Variants in GARS1 observed in about 807,000 individuals in gnomAD.
GARS1 encodes the protein glycine--tRNA ligase.
GARS1 carries 46 observed loss-of-function variants against 86.4 expected under a neutral mutation model. The ratio of observed to expected loss-of-function variants is 0.53; its 90% CI spans 0.42 to 0.68. The LOEUF (loss-of-function observed/expected upper bound fraction) is 0.68, where lower values mean the gene tolerates loss of function less well. Ranked by LOEUF, GARS1 falls within the 30% of genes least tolerant of loss-of-function variation. The pLI is 0.00. For missense variants in GARS1, 797 were observed against 915.6 expected (o/e 0.87, Z 1.67); for synonymous variants, 342 against 329.8 (o/e 1.04, Z -0.40).
chr7:30,616,183 T>G, intron 9 of GARS1, 125 bp downstream of exon 9: 1 of 1,020,974 alleles, frequency 9.8e-7, no homozygotes, highest in Non-Finnish European at 1.5e-6. Flanking sequence ...TTTACAGTAC[T>G]TGGTTTTGTA....
chr7:30,609,612 G>A lies in GARS1; in HGVS notation c.763G>A (p.Ala255Thr). ...QLDNYGQQELADLFVNYNVKS... is the reference protein window; with the variant it reads ...QLDNYGQQELTDLFVNYNVKS... ...TGATAACTATGGACAGCAAGAACTT[G>A]CGGATCTTTTTGTGAACTATAATGT... Residue 255 changes from alanine to threonine, a missense_variant, in exon 7 of 17, where the codon GCG (alanine) becomes ACG (threonine). Ala to Thr is a moderately conservative substitution (Grantham distance 58). Coordinates refer to ENST00000389266, the MANE Select transcript of GARS1 (RefSeq NM_002047.4). 2 of 1,613,270 alleles carry A rather than the reference G, an allele frequency of 1.2e-6. No individual in the cohort carries two copies. Among genetic ancestry groups the A allele is most frequent in the Non-Finnish European group, 1.7e-6 (2 of 1,179,466 alleles).
intron 12 of GARS1, 79 bp downstream of exon 12, chr7:30,622,541 T>C (rs778002591): frequency 1.3e-5 from 21 of 1,559,310 alleles, no homozygotes; most frequent in Non-Finnish European, 1.9e-5. Flanking sequence ...ATGAGATTAA[T>C]TTCTTAAGAT....
Position 30,598,845 on chromosome 7 carries a change from T to C in GARS1, c.272T>C (p.Val91Ala), listed in dbSNP as rs758964807. 3 of 1,614,132 alleles carry C rather than the reference T, an allele frequency of 1.9e-6. No homozygotes were observed. The highest frequency in any genetic ancestry group is 2.2e-5 in the East Asian group (1 of 44,880). Residue 91 changes from valine to alanine, a missense_variant, in exon 2 of 17, where the codon GTA becomes GCA. Val to Ala is a moderately conservative substitution (Grantham distance 64). Coordinates refer to ENST00000389266, the MANE Select transcript of GARS1 (RefSeq NM_002047.4). ...GAAGATAAAGCACCCCAAGTAGACG[T>C]AGACAAAGCAGTGGCTGAGCTCAAA... The part of the protein sequence containing the change: ...LKEDKAPQVD[V>A]DKAVAELKAR...
chr7:30,623,700 G>A (rs1351111595), intron 12 of GARS1, among the ~76,000 whole-genome samples: 2 of 152,016 alleles, frequency 1.3e-5, no homozygotes, highest in Admixed American at 1.3e-4. Flanking sequence ...TGATGAAAAC[G>A]CTAAAACTAC....
At chr7:30,609,241 A>G (rs960328847) in intron 6 of GARS1, among the ~76,000 whole-genome samples, 1 of 152,208 alleles carries the variant, frequency 6.6e-6, no homozygotes, top group African/African-American at 2.4e-5. Context: ...AAATATGTTC[A>G]GAGTAGTAAA....
intron 3 of GARS1, 143 bp downstream of exon 3, chr7:30,600,192 G>T (rs1283952813): frequency 2.9e-6 from 2 of 691,398 alleles, no homozygotes; most frequent in Non-Finnish European, 5.2e-6. Context: ...TGTTTGCTTG[G>T]AGTCACCATT....
chr7:30,624,646 A>G (rs531712841), intron 12 of GARS1, among the ~76,000 whole-genome samples: 28 of 152,330 alleles, frequency 1.8e-4, no homozygotes, highest in Admixed American at 5.2e-4. Context: ...GGGTGTAACT[A>G]ATAAACCAAT....
intron 4 of GARS1, among the ~76,000 whole-genome samples, chr7:30,602,608 G>A (rs895537893): frequency 6.6e-6 from 1 of 152,218 alleles, no homozygotes; most frequent in Non-Finnish European, 1.5e-5. Flanking sequence ...ACAGGTTTCA[G>A]TGGCAGAAAA....
intron 1 of GARS1, among the ~76,000 whole-genome samples, chr7:30,596,991 AAATG>A (rs1791263611): frequency 6.6e-6 from 1 of 152,214 alleles, no homozygotes; most frequent in Non-Finnish European, 1.5e-5. Flanking sequence ...TTAATCTGGA[AAATG>A]AATGAAGTGA....
chr7:30,623,508 A>C (rs1268757068), intron 12 of GARS1, among the ~76,000 whole-genome samples: 1 of 152,240 alleles, frequency 6.6e-6, no homozygotes, highest in East Asian at 1.9e-4. Context: ...TAAACATTAC[A>C]GAAGAAAGGT....
In GARS1 at chr7:30,622,336, A is replaced by G. The variant is rs1325522512; in HGVS notation, c.1487A>G (p.Gln496Arg). The change falls in exon 12 of 17, where the codon CAG becomes CGG. Residue 496 changes from glutamine (Q) to arginine (R), a missense_variant. Coordinates refer to ENST00000389266, the MANE Select transcript of GARS1 (RefSeq NM_002047.4). The part of the protein sequence containing the change: ...LKEPKTVNVV[Q>R]FEPSKGAIGK... ...TCATACAAAACAGTCAATGTTGTTC[A>G]GTTTGAACCCAGTAAGGGAGCAATT... is the stretch of plus-strand genomic sequence containing the variant. The G allele has an allele frequency of 6.2e-7, 1 of 1,614,048 alleles. No individual in the cohort carries two copies. The highest frequency in any genetic ancestry group is 8.5e-7 in the Non-Finnish European group (1 of 1,180,020).
At chr7:30,628,188 C>CT (rs750509307) in intron 13 of GARS1, among the ~76,000 whole-genome samples, 5,995 of 143,580 alleles carry the variant, frequency 0.042, 165 homozygotes, top group Non-Finnish European at 0.058. Context: ...CTTTTCTTTT[C>CT]TTTTTTTTTT....
chr7:30,628,909 A>G (rs1783183558), intron 14 of GARS1, among the ~76,000 whole-genome samples: 1 of 152,204 alleles, frequency 6.6e-6, no homozygotes, highest in African/African-American at 2.4e-5. Flanking sequence ...CTCTATTCTT[A>G]GACTGAACCT....
intron 6 of GARS1, among the ~76,000 whole-genome samples, chr7:30,608,062 A>G (rs1260346517): frequency 6.6e-6 from 1 of 152,180 alleles, no homozygotes; most frequent in Non-Finnish European, 1.5e-5. Flanking sequence ...TTGTGTGGAT[A>G]TATTTTACAT....
At position 30,621,479 on chromosome 7, in the gene GARS1, T is replaced by C; in HGVS notation, c.1446T>C (p.Ala482=). The C allele has an allele frequency of 6.2e-7, 1 of 1,614,110 alleles. No homozygotes were observed. The highest frequency in any genetic ancestry group is 8.5e-7 in the Non-Finnish European group (1 of 1,179,956). ...GAGCCACCAAAGTCCCACTTGTAGC[T>C]GAGAAACCTCTGAAAGAACCCATAT... ...HARATKVPLV[A]EKPLKEPKTV... is the part of the protein sequence containing the mutation. Residue 482 remains alanine (A), a synonymous_variant, in exon 11 of 17, where the codon GCT becomes GCC. Transcript: ENST00000389266.
chr7:30,614,490 C>A (rs866907765), intron 8 of GARS1, among the ~76,000 whole-genome samples: 4 of 152,116 alleles, frequency 2.6e-5, no homozygotes, highest in Non-Finnish European at 5.9e-5. Flanking sequence ...TTTATATGGG[C>A]ACAGAAGATG....
intron 13 of GARS1, 142 bp from the exon 14 acceptor site, chr7:30,628,418 C>G: frequency 1.6e-6 from 1 of 610,042 alleles, no homozygotes; most frequent in South Asian, 1.5e-5. Flanking sequence ...CTCCTGACCT[C>G]AGATGATCCA....
chr7:30,610,855 T>C (rs934256896), intron 7 of GARS1, among the ~76,000 whole-genome samples: 1 of 152,220 alleles, frequency 6.6e-6, no homozygotes, highest in Non-Finnish European at 1.5e-5. Context: ...GAGAAATTTG[T>C]GCCATTATTT....
chr7:30,611,719 G>C (rs939966200), intron 7 of GARS1, among the ~76,000 whole-genome samples: 1 of 152,154 alleles, frequency 6.6e-6, no homozygotes, highest in Non-Finnish European at 1.5e-5. Flanking sequence ...CCCAACCTCA[G>C]GTGATCCGCC....
Sources: gnomAD v4.1 joint callset for allele counts (sites outside exome capture counted in the v4.1 genomes callset) on GRCh38, gnomAD v4.1.1 for gene constraint, MANE v1.5 for transcripts, NCBI Gene and HGNC (gene_info 2026-07-23, HGNC 2026-07-21) for gene names.